Variants in ABI3BP observed in about 807,000 individuals in gnomAD.
ABI3BP encodes the protein ABI family member 3 binding protein, also known as target of Nesh-SH3.
Under a neutral mutation model 268.6 loss-of-function variants are expected in ABI3BP, and 216 were observed. The ratio of observed to expected loss-of-function variants is 0.80; its 90% CI spans 0.72 to 0.90. ABI3BP has a LOEUF of 0.90. Ranked by LOEUF, ABI3BP falls within the 40% of genes least tolerant of loss-of-function variation. ABI3BP has a pLI of 0.00. For synonymous variants in ABI3BP, 730 were observed against 730.0 expected (o/e 1.00, Z 0.00); for missense variants, 2,090 against 2,182.4 (o/e 0.96, Z 0.84).
Position 100,751,909 on chromosome 3 carries a change from T to A in ABI3BP, c.5123-235A>T, listed in dbSNP as rs1576470017. Among the ~76,000 whole-genome samples the A allele has an allele frequency of 4.6e-5, 7 of 152,292 alleles. No homozygotes were observed. In the South Asian group the frequency reaches 1.5e-3, roughly 32 times the overall value. ...TTCTCTCCATAAATTTCCCCAGCAG[T>A]CTCCCATTATACTCAGAATAAAATC... On this transcript the variant is annotated intron_variant, in intron 66 of 67. Coordinates refer to ENST00000471714, the MANE Select transcript of ABI3BP (RefSeq NM_001375547.2).
rs143288855 is a variant in ABI3BP at position 100,784,997 on chromosome 3, T to C, written c.4162+2731A>G. On this transcript the variant is annotated intron_variant, in intron 57 of 67. Transcript: ENST00000471714. ...AATTCAACACTATATAATTCATCCA[T>C]GTAACAAAAAACCATTCATGTTTAT... 3.6e-3 allele frequency among the ~76,000 whole-genome samples: 548 copies of C among 152,224 alleles called. 5 individuals are homozygous for C. Among genetic ancestry groups the C allele is most frequent in the Non-Finnish European group, 5.3e-3 (361 of 68,010 alleles).
At chr3:100,884,065 T>C (rs1005380877) in intron 6 of ABI3BP, among the ~76,000 whole-genome samples, 4 of 152,116 alleles carry the variant, frequency 2.6e-5, no homozygotes, top group African/African-American at 7.2e-5. Context: ...ATGATTTTAA[T>C]TTGTAATGAA....
intron 20 of ABI3BP, chr3:100,843,678 G>C: frequency 1.0e-6 from 1 of 984,266 alleles, no homozygotes; most frequent in Non-Finnish European, 1.2e-6. Flanking sequence ...GGGAGTGCAT[G>C]TATAGGTCTA....
Position 100,816,745 on chromosome 3 carries a change from G to A in ABI3BP, c.3172C>T (p.Arg1058Cys), listed in dbSNP as rs1213387037. ...GTAGTTTTGGGTCTGGGACGGGGAC[G>A]ACGTGTCCGTTGTGTTTTAGGAGCT... ...TLAPKTQRTR[R>C]PRPRPKTTSS... Residue 1058 changes from arginine (R) to cysteine (C), a missense_variant, in exon 43 of 68, where the codon CGT becomes TGT. Physicochemically the swap from Arg to Cys is radical, Grantham distance 180. Coordinates refer to ENST00000471714, the MANE Select transcript of ABI3BP (RefSeq NM_001375547.2). 3.3e-6 allele frequency: 5 copies of A among 1,535,702 alleles called. No individual in the cohort carries two copies. Among genetic ancestry groups the A allele is most frequent in the South Asian group, 2.4e-5 (2 of 84,056 alleles).
chr3:100,968,787 C>G (rs1486125931), intron 1 of ABI3BP, among the ~76,000 whole-genome samples: 2 of 151,972 alleles, frequency 1.3e-5, no homozygotes, highest in East Asian at 3.9e-4. Flanking sequence ...TTTGCTGCAC[C>G]CATCAACCCG....
chr3:100,771,095 A>T, intron 61 of ABI3BP, 143 bp from the exon 62 acceptor site: 1 of 689,072 alleles, frequency 1.5e-6, no homozygotes, highest in Non-Finnish European at 2.2e-6. Context: ...GGTTCAAACT[A>T]GGAAAATTCA....
In ABI3BP at chr3:100,775,248, T is replaced by C. The variant is rs1247863760; in HGVS notation, c.4421A>G (p.Asp1474Gly). The C allele has an allele frequency of 4.3e-6, 7 of 1,611,840 alleles. No individual in the cohort carries two copies. The highest frequency in any genetic ancestry group is 5.9e-6 in the Non-Finnish European group (7 of 1,178,974). ...TGTPLERIET[D>G]IKQPTVPASG... is the part of the protein sequence containing the mutation. Reference sequence around the variant, plus strand: ...GGCAGGAACTGTTGGTTGCTTTATATCTGTCTCTATTCTCTCCAAGGGAGT... The same window carrying C: ...GGCAGGAACTGTTGGTTGCTTTATACCTGTCTCTATTCTCTCCAAGGGAGT... The change falls in exon 60 of 68, where the codon GAT (aspartate) becomes GGT (glycine). Residue 1474 changes from aspartate to glycine, a missense_variant. Asp to Gly is a moderately conservative substitution (Grantham distance 94, BLOSUM62 -1). Transcript: ENST00000471714.
At chr3:100,912,048 A>G (rs1361944266) in intron 2 of ABI3BP, 14 of 745,028 alleles carry the variant, frequency 1.9e-5, no homozygotes, top group Non-Finnish European at 3.2e-5. Context: ...TTTGGGAATC[A>G]GTAATGCTAT....
chr3:100,833,144 A>T lies in ABI3BP; in HGVS notation c.2295T>A (p.Ile765=). 1.3e-6 allele frequency: 2 copies of T among 1,534,888 alleles called. No homozygotes were observed. Among genetic ancestry groups the T allele is most frequent in the Non-Finnish European group, 1.7e-6 (2 of 1,146,048 alleles). ...TLQTKLDFGP[I]TPGTSSAPTT... is the part of the protein sequence containing the mutation. ...CATTACCTGAAGATGTCCCAGGAGTAATAGGTCCAAAGTCTGTAGCAAGAA... is the reference window on the plus strand; with the variant it reads ...CATTACCTGAAGATGTCCCAGGAGTTATAGGTCCAAAGTCTGTAGCAAGAA... Residue 765 remains isoleucine, a synonymous_variant, in exon 30 of 68, where the codon ATT becomes ATA. Coordinates refer to ENST00000471714, the MANE Select transcript of ABI3BP (RefSeq NM_001375547.2).
chr3:100,838,287 G>T lies in ABI3BP; in HGVS notation c.2009-3C>A. The T allele has an allele frequency of 6.5e-7, 1 of 1,536,222 alleles. No homozygotes were observed. Among genetic ancestry groups the T allele is most frequent in the East Asian group, 2.4e-5 (1 of 40,904 alleles). On this transcript the variant is annotated splice_polypyrimidine_tract_variant and splice_region_variant and intron_variant, in intron 25 of 67. Transcript: ENST00000471714. ...TAATTGTTTTGGTGGTTTTGAACCT[G>T]AAGAAAATTAGAGTGCCATAATTAG...
rs575900686 is a variant in ABI3BP at position 100,875,640 on chromosome 3, T to C, written c.746-61A>G. The stretch of plus-strand genomic sequence containing the variant: ...GAAATAGGAGGCAGTAAGAAGCTAA[T>C]AATGTGAAGCCATCTGCACTGGAAA... On this transcript the variant is annotated intron_variant, in intron 7 of 67. Coordinates refer to ENST00000471714, the MANE Select transcript of ABI3BP (RefSeq NM_001375547.2). The C allele has an allele frequency of 1.5e-4, 184 of 1,205,394 alleles. 2 individuals carry two copies. In the South Asian group the frequency reaches 2.1e-3, roughly 14 times the overall value. The allele number at this position is 1,205,394 out of a possible 1,614,324, so 74.7% of individuals were successfully genotyped here.
At chr3:100,782,298 CAG>C (rs780565271) in intron 57 of ABI3BP, among the ~76,000 whole-genome samples, 190 of 152,230 alleles carry the variant, frequency 1.2e-3, no homozygotes, top group Non-Finnish European at 2.3e-3. Context: ...CCAAATTTTG[CAG>C]AGTTACATTA....
intron 2 of ABI3BP, among the ~76,000 whole-genome samples, chr3:100,918,638 A>C (rs993457324): frequency 6.6e-6 from 1 of 152,082 alleles, no homozygotes; most frequent in Non-Finnish European, 1.5e-5. Flanking sequence ...TGGGCAGCAC[A>C]TAACAAGCAG....
At chr3:100,825,541 GC>G (rs1379338497) in intron 35 of ABI3BP, among the ~76,000 whole-genome samples, 2 of 152,158 alleles carry the variant, frequency 1.3e-5, no homozygotes, top group African/African-American at 4.8e-5. Context: ...TTTCAAATGT[GC>G]CACATGGCAG....
chr3:100,906,475 T>C (rs2053504365), intron 2 of ABI3BP, among the ~76,000 whole-genome samples: 1 of 152,210 alleles, frequency 6.6e-6, no homozygotes, highest in Non-Finnish European at 1.5e-5. Flanking sequence ...GGATTTCTAT[T>C]TCTGTTCTGT....
chr3:100,791,898 C>T (rs1394357833), intron 55 of ABI3BP, among the ~76,000 whole-genome samples: 1 of 151,760 alleles, frequency 6.6e-6, no homozygotes, highest in African/African-American at 2.4e-5. Context: ...CCAACTTTCC[C>T]CCTCAAATTA....
intron 1 of ABI3BP, among the ~76,000 whole-genome samples, chr3:100,957,141 C>G (rs1262255801): frequency 1.3e-5 from 2 of 152,016 alleles, no homozygotes; most frequent in Non-Finnish European, 2.9e-5. Context: ...AGCAATAATC[C>G]AAGTAAGAGA....
chr3:100,881,580 A>T (rs979127406), intron 6 of ABI3BP, among the ~76,000 whole-genome samples: 14 of 152,096 alleles, frequency 9.2e-5, no homozygotes, highest in African/African-American at 3.4e-4. Flanking sequence ...GTATGAAAAT[A>T]TTAGCCATCA....
intron 14 of ABI3BP, among the ~76,000 whole-genome samples, chr3:100,861,208 G>A (rs2098994613): frequency 6.6e-6 from 1 of 152,176 alleles, no homozygotes; most frequent in Non-Finnish European, 1.5e-5. Context: ...AAGGAAACTA[G>A]GGGTGACTAT....
Sources: allele counts gnomAD v4.1 joint callset (sites outside exome capture counted in the v4.1 genomes callset), GRCh38; gene constraint gnomAD v4.1.1; transcripts MANE v1.5; gene names NCBI Gene and HGNC (gene_info 2026-07-23, HGNC 2026-07-21).